The following NLRC5 variants were observed in gnomAD, a reference collection of about 807,000 sequenced individuals.
NLRC5 encodes protein NLRC5.
A neutral mutation model predicts 206.9 loss-of-function variants in NLRC5; 114 were observed. The ratio of observed to expected loss-of-function variants is 0.55; its 90% CI spans 0.47 to 0.64. NLRC5 has a LOEUF of 0.64. Ranked by LOEUF, NLRC5 falls within the 30% of genes least tolerant of loss-of-function variation. NLRC5 has a pLI of 0.00. For missense variants in NLRC5, 2,008 were observed against 2,305.5 expected (o/e 0.87, Z 2.64); for synonymous variants, 952 against 962.8 (o/e 0.99, Z 0.21).
At chr16:57,059,694 T>C (rs923633226) in intron 30 of NLRC5, among the ~76,000 whole-genome samples, 162 bp downstream of exon 30, 3 of 152,180 alleles carry the variant, frequency 2.0e-5, no homozygotes, top group African/African-American at 7.2e-5. Context: ...CCCGATGCCC[T>C]GGTAACTCCA....
chr16:57,081,042 C>T, intron 46 of NLRC5, 56 bp from the exon 47 acceptor site: 1 of 1,484,944 alleles, frequency 6.7e-7, no homozygotes, highest in Non-Finnish European at 9.1e-7. Context: ...TGCCTTGTCT[C>T]CACCCCTCGA....
At position 57,077,728 on chromosome 16, in the gene NLRC5, G is replaced by A. The variant is rs534679822; in HGVS notation, c.4929G>A (p.Gly1643=). 230 of 1,589,262 alleles carry A rather than the reference G, an allele frequency of 1.4e-4. 1 individual carries two copies. The South Asian group carries it at 2.5e-3, about 17-fold the overall frequency. ...TGCCCCCCTCCCACAGCCTCTCAGG[G>A]AATAGCATCAGCTCAGCCGGGGGAG... ...LPELRKIDLS[G]NSISSAGGVQ... is the part of the protein sequence containing the mutation. The change falls in exon 42 of 49, where the codon GGG becomes GGA. Residue 1643 remains glycine (G), a synonymous_variant. Coordinates refer to ENST00000688547, the MANE Select transcript of NLRC5 (RefSeq NM_001384950.1).
chr16:57,070,724 G>A (rs2067550898), intron 38 of NLRC5, 106 bp downstream of exon 38: 1 of 933,042 alleles, frequency 1.1e-6, no homozygotes, highest in Admixed American at 1.9e-5. Context: ...AAGTGGGTGA[G>A]TGGTGGGGTT....
At chr16:57,009,510 G>A (rs556850687) in intron 1 of NLRC5, among the ~76,000 whole-genome samples, 10 of 150,036 alleles carry the variant, frequency 6.7e-5, no homozygotes, top group African/African-American at 2.0e-4. Context: ...AGAGAATGGC[G>A]TGAACCTGGG....
chr16:57,030,812 T>C (rs1329963654), intron 10 of NLRC5, among the ~76,000 whole-genome samples: 1 of 152,256 alleles, frequency 6.6e-6, no homozygotes, highest in African/African-American at 2.4e-5. Context: ...TAAAAATTTC[T>C]ATTAAAAAAA....
chr16:57,037,532 A>C (rs1207585023), intron 15 of NLRC5, among the ~76,000 whole-genome samples: 4 of 152,004 alleles, frequency 2.6e-5, no homozygotes, highest in Admixed American at 1.3e-4. Flanking sequence ...TACAACCCCC[A>C]CTTTCCCCTA....
chr16:57,053,016 G>A (rs1597371338), intron 24 of NLRC5: 1 of 152,314 alleles, frequency 6.6e-6, no homozygotes, highest in Non-Finnish European at 1.5e-5. Context: ...GCCCTACTGT[G>A]GGCCAGGCAT....
chr16:57,040,842 C>G, intron 17 of NLRC5, 124 bp downstream of exon 17: 1 of 914,128 alleles, frequency 1.1e-6, no homozygotes, highest in Non-Finnish European at 1.7e-6. Flanking sequence ...CCTGCTGTGT[C>G]CAGGGGTCAT....
At chr16:57,058,263 G>A (rs1158881309) in intron 28 of NLRC5, 115 bp downstream of exon 28, 2 of 862,948 alleles carry the variant, frequency 2.3e-6, no homozygotes, top group Admixed American at 4.4e-5. Context: ...GACAAGGACT[G>A]TGGAGGGCAA....
chr16:57,020,972 A>G lies in NLRC5; in HGVS notation c.260A>G (p.Glu87Gly). The G allele has an allele frequency of 6.2e-7, 1 of 1,613,862 alleles. No homozygotes were observed. The highest frequency in any genetic ancestry group is 8.5e-7 in the Non-Finnish European group (1 of 1,179,942). The change falls in exon 3 of 49, where the codon GAG (glutamate) becomes GGG (glycine). Residue 87 changes from glutamate to glycine, a missense_variant. Physicochemically the swap from Glu to Gly is moderately conservative, Grantham distance 98 (BLOSUM62 -2). Coordinates refer to ENST00000688547, the MANE Select transcript of NLRC5 (RefSeq NM_001384950.1). ...CAGCTGGAGGTGCCTCTGGACCTGG[A>G]GGTGCTGCTGCTGAGTACTTTTGGC... ...CMQLEVPLDL[E>G]VLLLSTFGYD...
At chr16:57,076,733 T>C in intron 39 of NLRC5, 86 bp from the exon 40 acceptor site, 2 of 1,300,910 alleles carry the variant, frequency 1.5e-6, no homozygotes, top group African/African-American at 2.9e-5. Flanking sequence ...CGTGTAAGGC[T>C]TTGCAAACTG....
chr16:57,058,956 T>A lies in NLRC5; in HGVS notation c.3831-16T>A. 6.2e-7 allele frequency: 1 copy of A among 1,612,206 alleles called. No individual in the cohort carries two copies. Among genetic ancestry groups the A allele is most frequent in the Non-Finnish European group, 8.5e-7 (1 of 1,178,254 alleles). On this transcript the variant is annotated splice_polypyrimidine_tract_variant and intron_variant, in intron 28 of 48. Coordinates refer to ENST00000688547, the MANE Select transcript of NLRC5 (RefSeq NM_001384950.1). ...TCCTGCCCTCACTCCCATTCTCATC[T>A]CCATTTCCCTTCTAGTCTGAGTCAC...
intron 30 of NLRC5, 50 bp from the exon 31 acceptor site, chr16:57,061,398 G>A (rs1363840888): frequency 4.5e-6 from 7 of 1,557,024 alleles, no homozygotes; most frequent in Non-Finnish European, 6.2e-6. Context: ...AAGCTGAGCA[G>A]CAGTGCCCAC....
intron 1 of NLRC5, among the ~76,000 whole-genome samples, chr16:57,002,489 G>A (rs2058374055): frequency 6.6e-6 from 1 of 152,060 alleles, no homozygotes; most frequent in Admixed American, 6.6e-5. Context: ...TGAACACTTA[G>A]ATTAATTCCA....
At chr16:57,011,693 C>CCTGGGTG (rs1257304174) in intron 1 of NLRC5, among the ~76,000 whole-genome samples, 5 of 149,088 alleles carry the variant, frequency 3.4e-5, no homozygotes, top group Non-Finnish European at 7.4e-5. Flanking sequence ...TGCACTCCAG[C>CCTGGGTG]CTGGGTGACA....
At chr16:57,075,802 AGTAG>A (rs2068324094) in intron 39 of NLRC5, 1 of 152,268 alleles carries the variant, frequency 6.6e-6, no homozygotes, top group South Asian at 2.1e-4. Context: ...GGCAGAGCAG[AGTAG>A]GTAGGAAATG....
chr16:57,043,635 C>T, intron 20 of NLRC5, 31 bp downstream of exon 20: 1 of 1,559,248 alleles, frequency 6.4e-7, no homozygotes, highest in Non-Finnish European at 8.8e-7. Context: ...CCAGCCCTGC[C>T]CCTGTCCCCC....
chr16:57,013,903 A>G, intron 1 of NLRC5: 1 of 543,930 alleles, frequency 1.8e-6, no homozygotes, highest in Non-Finnish European at 3.4e-6. Context: ...CAGATTCTAC[A>G]AAATGCGGCT....
chr16:57,031,585 C>A, intron 11 of NLRC5, 122 bp downstream of exon 11: 1 of 871,624 alleles, frequency 1.1e-6, no homozygotes, highest in Non-Finnish European at 1.8e-6. Flanking sequence ...CTTCCTGCTA[C>A]TGCTGCACTG....
Sources: gnomAD v4.1 joint callset for allele counts (sites outside exome capture counted in the v4.1 genomes callset) on GRCh38, gnomAD v4.1.1 for gene constraint, MANE v1.5 for transcripts, NCBI Gene and HGNC (gene_info 2026-07-23, HGNC 2026-07-21) for gene names.